Variants in CD74 observed in about 807,000 individuals in gnomAD.
CD74 encodes the protein HLA class II histocompatibility antigen gamma chain.
In CD74, 20 loss-of-function variants were observed where a neutral mutation model predicts 37.1. The observed-to-expected ratio is 0.54, with a 90% CI of 0.38 to 0.78. The LOEUF is 0.78. Among genes scored for constraint, CD74 ranks in the 30% least tolerant of loss-of-function variants. The pLI is 0.00. For missense variants in CD74, 338 were observed against 389.5 expected, an observed-to-expected ratio of 0.87 and a Z score of 1.11; for synonymous variants, 150 against 152.0, an observed-to-expected ratio of 0.99 and a Z score of 0.10.
Position 150,401,988 on chromosome 5 carries a change from T to C in CD74, c.*252A>G, listed in dbSNP as rs1176390840. 1 of 1,428,104 alleles carries C rather than the reference T, an allele frequency of 7.0e-7. No homozygotes were observed. Among genetic ancestry groups the C allele is most frequent in the East Asian group, 2.5e-5 (1 of 40,418 alleles). 88.5% of individuals were successfully genotyped at this position (1,428,104 alleles called of 1,614,324 possible). ...GTGATGTCAGGAACGGGGATCTGTC[T>C]AGCTTTTGGCCACTTCCTGGGACCT... On this transcript the variant is annotated 3_prime_UTR_variant, in exon 9 of 9. Transcript: ENST00000009530.
chr5:150,412,734 T>C lies in CD74; in HGVS notation c.16A>G (p.Ser6Gly), dbSNP rs1409423287. The C allele has an allele frequency of 6.2e-7, 1 of 1,614,074 alleles. No homozygotes were observed. Among genetic ancestry groups the C allele is most frequent in the East Asian group, 2.2e-5 (1 of 44,888 alleles). Reference protein sequence around the residue: MHRRRSRSCREDQKPV... With the variant: MHRRRGRSCREDQKPV... The stretch of plus-strand genomic sequence containing the variant: ...TTCTGATCTTCCCGACAGCTCCTGC[T>C]TCTCCTCCTGTGCATCTGGGACCCT... Residue 6 changes from serine to glycine, a missense_variant, in exon 1 of 9, where the codon AGC becomes GGC. Transcript: ENST00000009530.
At position 150,402,130 on chromosome 5, in the gene CD74, A is replaced by C. The variant is rs1162016389; in HGVS notation, c.*110T>G. 4.0e-6 allele frequency: 6 copies of C among 1,513,906 alleles called. No individual in the cohort carries two copies. The highest frequency in any genetic ancestry group is 5.4e-6 in the Non-Finnish European group (6 of 1,117,722). 93.8% of individuals were successfully genotyped at this position (1,513,906 alleles called of 1,614,324 possible). On this transcript the variant is annotated 3_prime_UTR_variant, in exon 9 of 9. Coordinates refer to ENST00000009530, the MANE Select transcript of CD74 (RefSeq NM_001025159.3). The surrounding 1 kb of genome is among the most constrained non-coding windows in gnomAD (Gnocchi z 4.2). ...CGAAAGAGCCAGGCACCAGGGTCTCATGGGATGAGGTACAGGGTGGGAGAT... is the reference window on the plus strand; with the variant it reads ...CGAAAGAGCCAGGCACCAGGGTCTCCTGGGATGAGGTACAGGGTGGGAGAT...
chr5:150,411,803 T>A (rs145055833), intron 1 of CD74, among the ~76,000 whole-genome samples: 162 of 152,320 alleles, frequency 1.1e-3, no homozygotes, highest in African/African-American at 3.8e-3. Flanking sequence ...TGATGGCAGA[T>A]GTCTCCATCT....
Position 150,411,014 on chromosome 5 carries a change from A to G in CD74, c.125+1611T>C, listed in dbSNP as rs1529696. 8.8e-3 allele frequency among the ~76,000 whole-genome samples: 1,342 copies of G among 152,322 alleles called. 16 individuals are homozygous for G. Among genetic ancestry groups the G allele is most frequent in the African/African-American group, 0.03 (1,253 of 41,576 alleles). On this transcript the variant is annotated intron_variant, in intron 1 of 8. Transcript: ENST00000009530. ...TGGAGTGAGCTAACACTTTGATGTC[A>G]GACTAGTCCTGGTTCAAATTCTGCC...
intron 3 of CD74, 58 bp downstream of exon 3, chr5:150,406,823 T>C: frequency 8.4e-7 from 1 of 1,196,542 alleles, no homozygotes; most frequent in Non-Finnish European, 1.1e-6. Context: ...CCCTTGGCAC[T>C]GTCCTCCATC....
In CD74 at chr5:150,402,238, T is replaced by A. The variant is rs2151165597; in HGVS notation, c.*2A>T. 6.2e-7 allele frequency: 1 copy of A among 1,602,116 alleles called. No homozygotes were observed. The highest frequency in any genetic ancestry group is 8.5e-7 in the Non-Finnish European group (1 of 1,174,152). On this transcript the variant is annotated 3_prime_UTR_variant, in exon 9 of 9. Coordinates refer to ENST00000009530, the MANE Select transcript of CD74 (RefSeq NM_001025159.3). The surrounding 1 kb of genome is among the most constrained non-coding windows in gnomAD (Gnocchi z 4.2). ...GGATGTTGAAGACCGCCTCTGCTGC[T>A]CTCACATGGGGACTGGAGAGAGAAG...
At position 150,403,152 on chromosome 5, in the gene CD74, G is replaced by T; in HGVS notation, c.786C>A (p.Asn262Lys). The change falls in exon 7 of 9, where the codon AAC (asparagine) becomes AAA (lysine). Residue 262 changes from asparagine (N) to lysine (K), a missense_variant. Physicochemically the swap from Asn to Lys is moderately conservative, Grantham distance 94. Transcript: ENST00000009530. This position sits in a 1 kb window ranked among gnomAD's most constrained non-coding sequence, Gnocchi z 4.5. Reference protein sequence around the residue: ...CVFPNGTEVPNTRSRGHHNCS... With the variant: ...CVFPNGTEVPKTRSRGHHNCS... ...AGTTATGGTGCCCGCGGCTTCTGGT[G>T]TTGGGGACCTCCGTGCCGTTGGGGA... 6.2e-7 allele frequency: 1 copy of T among 1,614,028 alleles called. No individual in the cohort carries two copies. Among genetic ancestry groups the T allele is most frequent in the Non-Finnish European group, 8.5e-7 (1 of 1,179,886 alleles).
Position 150,403,370 on chromosome 5 carries a change from G to T in CD74, c.626-58C>A, listed in dbSNP as rs1769758818. 6.7e-7 allele frequency: 1 copy of T among 1,485,072 alleles called. No individual in the cohort carries two copies. Among genetic ancestry groups the T allele is most frequent in the Non-Finnish European group, 9.4e-7 (1 of 1,063,868 alleles). The allele number at this position is 1,485,072 out of a possible 1,614,324, so 92.0% of individuals were successfully genotyped here. A position where few individuals can be genotyped will look rare whatever the true frequency, so the allele number is the denominator to read the frequency against. On this transcript the variant is annotated intron_variant, in intron 6 of 8. Coordinates refer to ENST00000009530, the MANE Select transcript of CD74 (RefSeq NM_001025159.3). The surrounding 1 kb of genome is among the most constrained non-coding windows in gnomAD (Gnocchi z 4.5). ...GTGAGTGAGCTCTGAACCAGGGTCT[G>T]AGCAGAGCTAAAGACCCACACACCA...
At position 150,405,127 on chromosome 5, in the gene CD74, G is replaced by T. The variant is rs11548081; in HGVS notation, c.495C>A (p.Asn165Lys). The change falls in exon 5 of 9, where the codon AAC becomes AAA. Residue 165 changes from asparagine (N) to lysine (K), a missense_variant. Asn to Lys is a moderately conservative substitution (Grantham distance 94, BLOSUM62 0). Transcript: ENST00000009530. The stretch of plus-strand genomic sequence containing the variant: ...CCATGGTGTTCTTAAGGTGTCTCAG[G>T]TTCTCCGGGAAGCTCCCCTTCAGTG... ...YPPLKGSFPE[N>K]LRHLKNTMET... is the part of the protein sequence containing the mutation. The T allele has an allele frequency of 4.3e-6, 7 of 1,611,294 alleles. No homozygotes were observed. Among genetic ancestry groups the T allele is most frequent in the South Asian group, 2.2e-5 (2 of 90,662 alleles).
At chr5:150,410,449 A>G (rs982963024) in intron 1 of CD74, among the ~76,000 whole-genome samples, 2 of 152,214 alleles carry the variant, frequency 1.3e-5, no homozygotes, top group African/African-American at 2.4e-5. Context: ...GGGCTGTTAC[A>G]TTAAATAAGA....
chr5:150,409,878 A>AC (rs141477210), intron 1 of CD74, among the ~76,000 whole-genome samples: 9,503 of 151,948 alleles, frequency 0.063, 426 homozygotes, highest in African/African-American at 0.12. Context: ...ATGAGGCTGC[A>AC]CCCTGCCTAC....
rs771706249 is a variant in CD74 at position 150,407,831 on chromosome 5, G to A, written c.126-507C>T. On this transcript the variant is annotated intron_variant, in intron 1 of 8. Coordinates refer to ENST00000009530, the MANE Select transcript of CD74 (RefSeq NM_001025159.3). This position sits in a 1 kb window ranked among gnomAD's most constrained non-coding sequence, Gnocchi z 4.4. Reference sequence around the variant, plus strand: ...TGCAGTGGCGCGATCTCGGCTCACTGCAACCTCCACCTCCTGGGTTTATGC... The same window carrying A: ...TGCAGTGGCGCGATCTCGGCTCACTACAACCTCCACCTCCTGGGTTTATGC... Among the ~76,000 whole-genome samples, 7 of 152,126 alleles carry A rather than the reference G, an allele frequency of 4.6e-5. No homozygotes were observed. The highest frequency in any genetic ancestry group is 8.8e-5 in the Non-Finnish European group (6 of 68,020).
intron 4 of CD74, chr5:150,405,408 T>G (rs1769899883): frequency 1.6e-6 from 2 of 1,255,076 alleles, no homozygotes; most frequent in South Asian, 3.1e-5. Context: ...AGTTCCAGAT[T>G]CCAGGCCAGC....
rs77280183 is a variant in CD74 at position 150,406,361 on chromosome 5, C to T, written c.379-40G>A. On this transcript the variant is annotated intron_variant, in intron 3 of 8. Coordinates refer to ENST00000009530, the MANE Select transcript of CD74 (RefSeq NM_001025159.3). The stretch of plus-strand genomic sequence containing the variant: ...AACAGAAGGTTACCAGAGCTGGTCC[C>T]TGGAGCAGGGGGTATGGAGCAGGAG... The T allele has an allele frequency of 3.8e-3, 5,880 of 1,539,338 alleles. 195 individuals carry two copies. In the African/African-American group the frequency reaches 0.07, roughly 18 times the overall value.
Position 150,406,956 on chromosome 5 carries a change from G to T in CD74, c.303C>A (p.Pro101=), listed in dbSNP as rs1311961590. The T allele has an allele frequency of 1.3e-6, 2 of 1,569,510 alleles. No individual in the cohort carries two copies. Among genetic ancestry groups the T allele is most frequent in the East Asian group, 2.3e-5 (1 of 44,366 alleles). ...ENLRMKLPKP[P]KPVSKMRMAT... ...CCATGCGCATCTTGCTCACAGGCTT[G>T]GGAGCTGTGGGGACAGGAACGAGGG... Residue 101 remains proline, a synonymous_variant, in exon 3 of 9, where the codon CCC becomes CCA. Transcript: ENST00000009530.
rs2151167874 is a variant in CD74 at position 150,402,715 on chromosome 5, G to A, written c.818-90C>T. Reference sequence around the variant, plus strand: ...GGGCAGTGCTTCCCACCTAGCCACAGGCTTAGTGCCTGGGAAAGCAGGTAC... The same window carrying A: ...GGGCAGTGCTTCCCACCTAGCCACAAGCTTAGTGCCTGGGAAAGCAGGTAC... On this transcript the variant is annotated intron_variant, in intron 7 of 8. Coordinates refer to ENST00000009530, the MANE Select transcript of CD74 (RefSeq NM_001025159.3). This position sits in a 1 kb window ranked among gnomAD's most constrained non-coding sequence, Gnocchi z 4.2. The A allele has an allele frequency of 8.9e-7, 1 of 1,118,394 alleles. No homozygotes were observed. The highest frequency in any genetic ancestry group is 1.3e-6 in the Non-Finnish European group (1 of 767,200). The allele number at this position is 1,118,394 out of a possible 1,614,324, so 69.3% of individuals were successfully genotyped here.
Position 150,403,640 on chromosome 5 carries a change from C to T in CD74, c.626-328G>A, listed in dbSNP as rs1348127577. Among the ~76,000 whole-genome samples, 1 of 152,166 alleles carries T rather than the reference C, an allele frequency of 6.6e-6. No individual in the cohort carries two copies. The highest frequency in any genetic ancestry group is 2.4e-5 in the African/African-American group (1 of 41,444). On this transcript the variant is annotated intron_variant, in intron 6 of 8. Transcript: ENST00000009530. The surrounding 1 kb of genome is among the most constrained non-coding windows in gnomAD (Gnocchi z 4.5). ...TTGGGAGGCCGAGGTGGGCGGATCA[C>T]TTGAGGTCAGGAGTTCAAGACCAGC...
intron 4 of CD74, 67 bp downstream of exon 4, chr5:150,406,192 T>G: frequency 8.3e-7 from 1 of 1,207,868 alleles, no homozygotes; most frequent in Non-Finnish European, 1.2e-6. Context: ...ATACAGGCCT[T>G]GGAGCTTGGC....
chr5:150,402,226 C>A lies in CD74; in HGVS notation c.*14G>T, dbSNP rs771966737. ...GTGGGGCTGGCAGGATGTTGAAGAC[C>A]GCCTCTGCTGCTCTCACATGGGGAC... On this transcript the variant is annotated 3_prime_UTR_variant, in exon 9 of 9. Transcript: ENST00000009530. This position sits in a 1 kb window ranked among gnomAD's most constrained non-coding sequence, Gnocchi z 4.2. 6.2e-7 allele frequency: 1 copy of A among 1,600,894 alleles called. No homozygotes were observed.
Sources: gnomAD v4.1 joint callset for allele counts (sites outside exome capture counted in the v4.1 genomes callset) on GRCh38, gnomAD v4.1.1 for gene constraint, Gnocchi (gnomAD v3.1) non-coding constraint, MANE v1.5 for transcripts, NCBI Gene and HGNC (gene_info 2026-07-23, HGNC 2026-07-21) for gene names.